Variants in ZNF429 observed in about 807,000 individuals in gnomAD.
ZNF429 encodes the protein zinc finger protein 429.
A neutral mutation model predicts 56.8 loss-of-function variants in ZNF429; 53 were observed. That is an observed-to-expected ratio of 0.93 (90% CI 0.75 to 1.17). The LOEUF (loss-of-function observed/expected upper bound fraction) is 1.17. Ranked by LOEUF, ZNF429 falls within the 50% of genes most tolerant of loss-of-function variation. The pLI, the probability that ZNF429 is intolerant of heterozygous loss-of-function variation, is 0.00. For synonymous variants in ZNF429, 278 were observed against 264.7 expected (o/e 1.05, Z -0.49); for missense variants, 849 against 788.4 (o/e 1.08, Z -0.92).
At chr19:21,531,505 C>A in intron 3 of ZNF429, among the ~76,000 whole-genome samples, 1 of 151,728 alleles carries the variant, frequency 6.6e-6, no homozygotes, top group African/African-American at 2.4e-5. Context: ...AAATATTAGT[C>A]AAAAAAATAG....
chr19:21,527,806 T>A (rs1198057972), intron 1 of ZNF429, among the ~76,000 whole-genome samples: 1 of 152,142 alleles, frequency 6.6e-6, no homozygotes, highest in Non-Finnish European at 1.5e-5. Context: ...GCAGGTGTGA[T>A]TTGTTTGGAG....
chr19:21,534,792 GTTT>G, intron 3 of ZNF429, among the ~76,000 whole-genome samples: 1 of 143,804 alleles, frequency 7.0e-6, no homozygotes. Context: ...TGTTTTTTGT[GTTT>G]TTTTTTTTTT....
chr19:21,522,097 G>C (rs2033004900), intron 1 of ZNF429, among the ~76,000 whole-genome samples: 1 of 152,210 alleles, frequency 6.6e-6, no homozygotes, highest in South Asian at 2.1e-4. Context: ...AGGAGCCATT[G>C]CTTTAAAATG....
intron 1 of ZNF429, among the ~76,000 whole-genome samples, chr19:21,522,122 G>T (rs1324895199): frequency 1.3e-5 from 2 of 152,206 alleles, no homozygotes; most frequent in Admixed American, 6.5e-5. Context: ...TAGCCAAAAA[G>T]ATAGCACCCC....
chr19:21,511,824 C>T (rs989320519), intron 1 of ZNF429, among the ~76,000 whole-genome samples: 95 of 152,288 alleles, frequency 6.2e-4, no homozygotes, highest in Middle Eastern at 3.4e-3. Context: ...TCTGCAATCC[C>T]GGCACCTTGG....
At chr19:21,516,242 C>CATTATT (rs1192971481) in intron 1 of ZNF429, among the ~76,000 whole-genome samples, 1 of 151,362 alleles carries the variant, frequency 6.6e-6, no homozygotes, top group African/African-American at 2.4e-5. Flanking sequence ...CTATCATCAT[C>CATTATT]ATTATTATTA....
chr19:21,518,882 A>C (rs1302006274), intron 1 of ZNF429: 1 of 152,186 alleles, frequency 6.6e-6, no homozygotes, highest in Non-Finnish European at 1.5e-5. Flanking sequence ...TATCTTTATC[A>C]AGTTGTGGTC....
chr19:21,535,791 G>A, intron 3 of ZNF429, among the ~76,000 whole-genome samples: 5 of 152,120 alleles, frequency 3.3e-5, no homozygotes, highest in Middle Eastern at 3.4e-3. Flanking sequence ...GGGATTACAG[G>A]CATGAGCCAC....
rs564525913 is a variant in ZNF429, at chr19:21,537,884, C to T, written c.1831C>T (p.His611Tyr). The T allele has an allele frequency of 1.8e-4, 288 of 1,613,984 alleles. 1 individual carries two copies. The East Asian group carries it at 6.2e-3, about 35-fold the overall frequency. ...TAATCGGTCCTCAAGACTTACTCAACATAAGAAAATTCATACTAGAGAGAA... is the reference window on the plus strand; with the variant it reads ...TAATCGGTCCTCAAGACTTACTCAATATAAGAAAATTCATACTAGAGAGAA... ...AFNRSSRLTQ[H>Y]KKIHTREKPY... The change falls in exon 4 of 4, where the codon CAT (histidine) becomes TAT (tyrosine). Residue 611 changes from histidine (H) to tyrosine (Y), a missense_variant. Physicochemically the swap from His to Tyr is moderately conservative, Grantham distance 83. Coordinates refer to ENST00000358491, the MANE Select transcript of ZNF429 (RefSeq NM_001001415.4).
intron 1 of ZNF429, among the ~76,000 whole-genome samples, chr19:21,510,800 T>C (rs1467703435): frequency 1.3e-5 from 2 of 151,934 alleles, no homozygotes; most frequent in Non-Finnish European, 2.9e-5. Context: ...GCATGCTGCC[T>C]TCAAGCATCT....
chr19:21,506,759 A>ATT (rs2032180540), intron 1 of ZNF429, among the ~76,000 whole-genome samples: 3 of 107,328 alleles, frequency 2.8e-5, no homozygotes, highest in African/African-American at 1.1e-4. Flanking sequence ...CATTTGAGTT[A>ATT]GTTTTTTGTT....
rs780038509 is a variant in ZNF429, at chr19:21,529,751, A to G, written c.97A>G (p.Met33Val). The change falls in exon 2 of 4, where the codon ATG becomes GTG. Residue 33 changes from methionine to valine, a missense_variant. Transcript: ENST00000358491. ...ACAACAGAACTTATATAGAAATGTG[A>G]TGTTAGAGAACTACAGAAACTTGGT... ...TAQQNLYRNV[M>V]LENYRNLVFL... The G allele has an allele frequency of 3.1e-6, 5 of 1,594,932 alleles. No homozygotes were observed. Among genetic ancestry groups the G allele is most frequent in the South Asian group, 1.1e-5 (1 of 89,358 alleles).
At chr19:21,529,876 A>G in intron 2 of ZNF429, 92 bp downstream of exon 2, 30 of 955,038 alleles carry the variant, frequency 3.1e-5, no homozygotes, top group Non-Finnish European at 3.9e-5. Flanking sequence ...TATGCTTTGC[A>G]TAAATGAGTT....
At position 21,537,293 on chromosome 19, in the gene ZNF429, C is replaced by G; in HGVS notation, c.1240C>G (p.Gln414Glu). Residue 414 changes from glutamine to glutamate, a missense_variant, in exon 4 of 4, where the codon CAA becomes GAA. Coordinates refer to ENST00000358491, the MANE Select transcript of ZNF429 (RefSeq NM_001001415.4). ...RVFTCSSTLT[Q>E]DKKIHTGEKP... is the part of the protein sequence containing the mutation. ...TTTTACCTGTTCCTCAACACTTACTCAAGACAAGAAAATTCATACTGGAGA... is the reference window on the plus strand; with the variant it reads ...TTTTACCTGTTCCTCAACACTTACTGAAGACAAGAAAATTCATACTGGAGA... 6.2e-7 allele frequency: 1 copy of G among 1,608,508 alleles called. No individual in the cohort carries two copies. Among genetic ancestry groups the G allele is most frequent in the Non-Finnish European group, 8.5e-7 (1 of 1,178,074 alleles).
intron 3 of ZNF429, among the ~76,000 whole-genome samples, chr19:21,531,884 TA>T: frequency 6.7e-6 from 1 of 149,032 alleles, no homozygotes; most frequent in Non-Finnish European, 1.5e-5. Flanking sequence ...AATCTGACAT[TA>T]AAAAACCATA....
At chr19:21,529,832 A>G in intron 2 of ZNF429, 48 bp downstream of exon 2, 3 of 1,206,652 alleles carry the variant, frequency 2.5e-6, no homozygotes, top group South Asian at 3.2e-5. Flanking sequence ...TAAATGTTTC[A>G]TTTCTCCTCT....
intron 1 of ZNF429, among the ~76,000 whole-genome samples, chr19:21,508,696 AG>A (rs1203822319): frequency 1.5e-5 from 1 of 68,332 alleles, no homozygotes. Context: ...AAATTTTCTC[AG>A]GCTTTTTTTT....
At chr19:21,510,834 C>T (rs2032418680) in intron 1 of ZNF429, among the ~76,000 whole-genome samples, 4 of 152,156 alleles carry the variant, frequency 2.6e-5, no homozygotes, top group East Asian at 3.9e-4. Flanking sequence ...CATCTTGCAC[C>T]GCCCTTAATC....
In ZNF429 at chr19:21,524,299, G is replaced by A. The variant is rs762284330; in HGVS notation, c.4-5359G>A. ...AATCCCAGGACTTTGGGAGTCCAAG[G>A]CAGACGGATCACGACGTCAGGAGTT... is the stretch of plus-strand genomic sequence containing the variant. On this transcript the variant is annotated intron_variant, in intron 1 of 3. Coordinates refer to ENST00000358491, the MANE Select transcript of ZNF429 (RefSeq NM_001001415.4). Among the ~76,000 whole-genome samples the A allele has an allele frequency of 2.0e-4, 30 of 152,210 alleles. 1 individual carries two copies. Among genetic ancestry groups the A allele is most frequent in the Non-Finnish European group, 3.4e-4 (23 of 68,042 alleles).
Sources: gnomAD v4.1 joint callset for allele counts (sites outside exome capture counted in the v4.1 genomes callset) on GRCh38, gnomAD v4.1.1 for gene constraint, MANE v1.5 for transcripts, NCBI Gene and HGNC (gene_info 2026-07-23, HGNC 2026-07-21) for gene names.